Variants in SERINC3 observed in about 807,000 individuals in gnomAD.
SERINC3 encodes serine incorporator 3, also known as tumor differentially expressed protein 1.
A neutral mutation model predicts 52.1 loss-of-function variants in SERINC3; 22 were observed. The ratio of observed to expected loss-of-function variants is 0.42; its 90% confidence interval spans 0.30 to 0.60. The LOEUF (loss-of-function observed/expected upper bound fraction) is 0.60. Ranked by LOEUF, SERINC3 falls within the 20% of genes least tolerant of loss-of-function variation. The pLI is 0.16. For synonymous variants in SERINC3, 226 were observed against 212.7 expected, an observed-to-expected ratio of 1.06 and a Z score of -0.54; for missense variants, 564 against 584.6, an observed-to-expected ratio of 0.96 and a Z score of 0.36.
rs2064335721 is a variant in SERINC3, at chr20:44,509,776, C to CA, written c.613+114dup. ...AACTCCTGGATTCAAGCCATTCTCCCACCTTGGACTTCTGTCCCTGAGGAC... is the reference window on the plus strand; with the variant it reads ...AACTCCTGGATTCAAGCCATTCTCCCAACCTTGGACTTCTGTCCCTGAGGAC... On this transcript the variant is annotated intron_variant, in intron 5 of 9. Coordinates refer to ENST00000342374, the MANE Select transcript of SERINC3 (RefSeq NM_006811.4). 2.7e-6 allele frequency: 3 copies of CA among 1,117,524 alleles called. No homozygotes were observed. In the African/African-American group the frequency reaches 4.6e-5, roughly 17 times the overall value. The allele number at this position is 1,117,524 out of a possible 1,614,324, so 69.2% of individuals were successfully genotyped here.
rs1240475232 is a variant in SERINC3 at position 44,522,051 on chromosome 20, G to A, written c.-100C>T. On this transcript the variant is annotated 5_prime_UTR_variant, in exon 1 of 10. Coordinates refer to ENST00000342374, the MANE Select transcript of SERINC3 (RefSeq NM_006811.4). ...TCCCCAGAAACATGACGGTTTCTCA[G>A]GCCGGAAACGCAGCCTTCCACAGAC... 1 of 1,296,044 alleles carries A rather than the reference G, an allele frequency of 7.7e-7. No homozygotes were observed. Among genetic ancestry groups the A allele is most frequent in the Non-Finnish European group, 1.1e-6 (1 of 922,022 alleles). The allele number at this position is 1,296,044 out of a possible 1,614,324, so 80.3% of individuals were successfully genotyped here. A position where few individuals can be genotyped will look rare whatever the true frequency, so the allele number is the denominator to read the frequency against.
At chr20:44,514,215 C>T (rs1198352323) in intron 1 of SERINC3, among the ~76,000 whole-genome samples, 175 bp from the exon 2 acceptor site, 4 of 152,136 alleles carry the variant, frequency 2.6e-5, no homozygotes, top group African/African-American at 7.2e-5. Flanking sequence ...ATTTCTGCCG[C>T]TTTTTACCCC....
In SERINC3 at chr20:44,510,664, T is replaced by C. The variant is rs910564195; in HGVS notation, c.475+625A>G. ...CCGTCTCTGCCTAAAATACAAAAAT[T>C]AGCTGGGCGTGGTGGTGGGCGCCTG... On this transcript the variant is annotated intron_variant, in intron 4 of 9. Coordinates refer to ENST00000342374, the MANE Select transcript of SERINC3 (RefSeq NM_006811.4). Among the ~76,000 whole-genome samples, 18 of 151,896 alleles carry C rather than the reference T, an allele frequency of 1.2e-4. No homozygotes were observed. The South Asian group carries it at 3.1e-3, about 26-fold the overall frequency.
In SERINC3 at chr20:44,498,967, C is replaced by T. The variant is rs994555705; in HGVS notation, c.*1329G>A. 3 of 152,164 alleles carry T rather than the reference C, an allele frequency of 2.0e-5. No individual in the cohort carries two copies. The highest frequency in any genetic ancestry group is 6.5e-5 in the Admixed American group (1 of 15,272). 9.4% of individuals were successfully genotyped at this position (152,164 alleles called of 1,614,324 possible). ...ATTTTCCCATCTCTCTCTTAGCTAA[C>T]TTCTAAGAGTTCTTGGCTTAAATAT... On this transcript the variant is annotated 3_prime_UTR_variant, in exon 10 of 10. Coordinates refer to ENST00000342374, the MANE Select transcript of SERINC3 (RefSeq NM_006811.4).
intron 1 of SERINC3, among the ~76,000 whole-genome samples, chr20:44,516,091 C>T (rs954880941): frequency 2.6e-5 from 4 of 152,120 alleles, no homozygotes; most frequent in Admixed American, 2.6e-4. Context: ...ACCACAAGGT[C>T]AGGAGTTCAA....
At chr20:44,521,254 A>G (rs564080030) in intron 1 of SERINC3, among the ~76,000 whole-genome samples, 59 of 152,374 alleles carry the variant, frequency 3.9e-4, no homozygotes, top group African/African-American at 1.3e-3. Flanking sequence ...TATAGGCCCT[A>G]TAATTTTCTC....
At chr20:44,507,217 G>A (rs1236377229) in intron 5 of SERINC3, among the ~76,000 whole-genome samples, 1 of 152,140 alleles carries the variant, frequency 6.6e-6, no homozygotes, top group Non-Finnish European at 1.5e-5. Context: ...TTCACTTCCT[G>A]AATTACCTGA....
At position 44,521,935 on chromosome 20, in the gene SERINC3, C is replaced by G; in HGVS notation, c.17G>C (p.Gly6Ala). Residue 6 changes from glycine (G) to alanine (A), a missense_variant, in exon 1 of 10, where the codon GGT becomes GCT. Coordinates refer to ENST00000342374, the MANE Select transcript of SERINC3 (RefSeq NM_006811.4). MGAVL[G>A]VFSLASWVPC... The stretch of plus-strand genomic sequence containing the variant: ...CACCCAGCTGGCGAGGGAGAAGACA[C>G]CCAGCACAGCCCCCATGGTGACGCC... 2 of 1,611,598 alleles carry G rather than the reference C, an allele frequency of 1.2e-6. No homozygotes were observed. The highest frequency in any genetic ancestry group is 1.7e-6 in the Non-Finnish European group (2 of 1,178,922).
chr20:44,506,281 C>CAAA (rs58316790), intron 6 of SERINC3, among the ~76,000 whole-genome samples: 34 of 65,804 alleles, frequency 5.2e-4, no homozygotes, highest in South Asian at 1.6e-3. Flanking sequence ...GACTTTGTCT[C>CAAA]AAAAAAAAAA....
At position 44,511,518 on chromosome 20, in the gene SERINC3, A is replaced by G. The variant is rs959198775; in HGVS notation, c.396-150T>C. 9 of 605,004 alleles carry G rather than the reference A, an allele frequency of 1.5e-5. No individual in the cohort carries two copies. The South Asian group carries it at 1.7e-4, about 12-fold the overall frequency. 37.5% of individuals were successfully genotyped at this position (605,004 alleles called of 1,614,324 possible). On this transcript the variant is annotated intron_variant, in intron 3 of 9. Transcript: ENST00000342374. ...TTTTCTTCATTTGACTATTCATTTA[A>G]TAGGCTAATTCATTTAATATTTCAC...
At chr20:44,513,120 T>C (rs1220084880) in intron 2 of SERINC3, 126 bp from the exon 3 acceptor site, 2 of 537,696 alleles carry the variant, frequency 3.7e-6, no homozygotes, top group African/African-American at 4.0e-5. Context: ...CTATGGAATT[T>C]TTCTCTTTGT....
chr20:44,506,754 A>C (rs1418040650), intron 6 of SERINC3, 73 bp downstream of exon 6: 15 of 1,037,332 alleles, frequency 1.4e-5, no homozygotes, highest in African/African-American at 1.3e-4. Context: ...TAAATTCATA[A>C]GAAAGGGTAC....
At chr20:44,509,200 G>GA (rs1247225886) in intron 5 of SERINC3, among the ~76,000 whole-genome samples, 1 of 152,068 alleles carries the variant, frequency 6.6e-6, no homozygotes, top group Non-Finnish European at 1.5e-5. Flanking sequence ...TTTCCCACCA[G>GA]AAAGTTTTTC....
At chr20:44,520,517 T>C (rs547452327) in intron 1 of SERINC3, among the ~76,000 whole-genome samples, 3 of 152,140 alleles carry the variant, frequency 2.0e-5, no homozygotes, top group South Asian at 4.1e-4. Context: ...GAAAACCAAA[T>C]ACAGCATATT....
At chr20:44,506,704 T>A in intron 6 of SERINC3, 123 bp downstream of exon 6, 1 of 533,148 alleles carries the variant, frequency 1.9e-6, no homozygotes, top group South Asian at 7.0e-5. Context: ...TATGAAGACT[T>A]TATAATATGG....
At chr20:44,512,625 A>G (rs1018061289) in intron 3 of SERINC3, among the ~76,000 whole-genome samples, 176 bp downstream of exon 3, 2 of 152,210 alleles carry the variant, frequency 1.3e-5, no homozygotes, top group Non-Finnish European at 2.9e-5. Flanking sequence ...CCTCCATGTT[A>G]CAGCAATCTA....
At chr20:44,508,828 A>C (rs1312034337) in intron 5 of SERINC3, among the ~76,000 whole-genome samples, 1 of 152,268 alleles carries the variant, frequency 6.6e-6, no homozygotes, top group Non-Finnish European at 1.5e-5. Flanking sequence ...ATAAAGGTTC[A>C]CAAGAGTGGC....
At position 44,511,279 on chromosome 20, in the gene SERINC3, T is replaced by G. The variant is rs750941209; in HGVS notation, c.475+10A>C. 28 of 1,575,922 alleles carry G rather than the reference T, an allele frequency of 1.8e-5. No homozygotes were observed. In the African/African-American group the frequency reaches 2.6e-4, roughly 14 times the overall value. ...AGTTTAAAATTAACCCCCTCAATGG[T>G]GAACCCTACCTGAGCTGAAATAGCC... On this transcript the variant is annotated intron_variant, in intron 4 of 9. Coordinates refer to ENST00000342374, the MANE Select transcript of SERINC3 (RefSeq NM_006811.4).
Position 44,514,003 on chromosome 20 carries a change from C to T in SERINC3, c.77G>A (p.Cys26Tyr), listed in dbSNP as rs1600817094. The T allele has an allele frequency of 2.5e-6, 4 of 1,614,114 alleles. No homozygotes were observed. The highest frequency in any genetic ancestry group is 3.4e-6 in the Non-Finnish European group (4 of 1,179,996). Residue 26 changes from cysteine (C) to tyrosine (Y), a missense_variant, in exon 2 of 10, where the codon TGT (cysteine) becomes TAT (tyrosine). Physicochemically the swap from Cys to Tyr is radical, Grantham distance 194. Transcript: ENST00000342374. ...CLCSGASCLL[C>Y]SCCPNSKNST... is the part of the protein sequence containing the mutation. ...ATTCTTACTGTTAGGACAGCAACTA[C>T]ACAGCAAACATGAGGCACCGCTGCA...
Sources: gnomAD v4.1 joint callset for allele counts (sites outside exome capture counted in the v4.1 genomes callset) on GRCh38, gnomAD v4.1.1 for gene constraint, MANE v1.5 for transcripts, NCBI Gene and HGNC (gene_info 2026-07-23, HGNC 2026-07-21) for gene names.